SFMBT1: variants seen among roughly 807,000 people sequenced by gnomAD.
The protein encoded by SFMBT1 is scm-like with four MBT domains protein 1.
In SFMBT1, 32 loss-of-function variants were observed where a neutral mutation model predicts 108.7. The observed-to-expected ratio is 0.29, with a 90% CI of 0.22 to 0.40. The LOEUF is 0.40. SFMBT1 is among the 10% of genes least tolerant of loss of function. SFMBT1 has a pLI of 1.00. For synonymous variants in SFMBT1, 348 were observed against 369.5 expected, an observed-to-expected ratio of 0.94 and a Z score of 0.67; for missense variants, 816 against 1,059.6, an observed-to-expected ratio of 0.77 and a Z score of 3.19.
chr3:52,946,061 T>C (rs1282183260), intron 3 of SFMBT1, among the ~76,000 whole-genome samples: 2 of 152,180 alleles, frequency 1.3e-5, no homozygotes, highest in Non-Finnish European at 2.9e-5. Context: ...TGCAATATCA[T>C]TCCTACAACA....
intron 2 of SFMBT1, among the ~76,000 whole-genome samples, chr3:52,958,020 G>A (rs1575401938): frequency 1.3e-5 from 2 of 152,238 alleles, no homozygotes; most frequent in South Asian, 4.1e-4. Context: ...AGAGCGAACA[G>A]ACAACCTAAA....
chr3:53,037,254 A>G (rs1236456388), intron 1 of SFMBT1, among the ~76,000 whole-genome samples: 1 of 152,046 alleles, frequency 6.6e-6, no homozygotes, highest in African/African-American at 2.4e-5. Context: ...GCCAGAAGAG[A>G]CCACCCAGCC....
intron 17 of SFMBT1, among the ~76,000 whole-genome samples, chr3:52,909,432 G>C (rs1238636171): frequency 6.6e-6 from 1 of 152,010 alleles, no homozygotes; most frequent in African/African-American, 2.4e-5. Context: ...ATAGAAACTA[G>C]AAGGTTAGAC....
intron 1 of SFMBT1, among the ~76,000 whole-genome samples, chr3:52,981,590 A>G (rs185844312): frequency 1.3e-4 from 19 of 148,132 alleles, no homozygotes; most frequent in East Asian, 3.9e-4. Context: ...CATTGAGCAG[A>G]CTAGTCTGAA....
At chr3:52,920,109 G>C (rs1211355319) in intron 12 of SFMBT1, among the ~76,000 whole-genome samples, 1 of 152,230 alleles carries the variant, frequency 6.6e-6, no homozygotes, top group Non-Finnish European at 1.5e-5. Flanking sequence ...CCAACGCCTG[G>C]ATCTTGGGCT....
At chr3:53,018,384 A>C (rs1699195512) in intron 1 of SFMBT1, among the ~76,000 whole-genome samples, 1 of 152,134 alleles carries the variant, frequency 6.6e-6, no homozygotes, top group Non-Finnish European at 1.5e-5. Flanking sequence ...CCTTCAGAGA[A>C]AGGAAAATCC....
chr3:53,045,752 G>GCGCCGC, intron 1 of SFMBT1, 64 bp downstream of exon 1: 1 of 148,752 alleles, frequency 6.7e-6, no homozygotes, highest in South Asian at 2.0e-4. Context: ...CCCCGCCCCG[G>GCGCCGC]CGCCGCCGCC....
chr3:52,927,396 G>T (rs554666076), intron 9 of SFMBT1, among the ~76,000 whole-genome samples: 1 of 152,286 alleles, frequency 6.6e-6, no homozygotes, highest in African/African-American at 2.4e-5. Context: ...TATGACCCTT[G>T]TTAACAAGAA....
chr3:52,929,493 C>G (rs1020305667), intron 8 of SFMBT1, among the ~76,000 whole-genome samples: 1 of 152,178 alleles, frequency 6.6e-6, no homozygotes. Flanking sequence ...CCTGCCCCGG[C>G]GTCCCAAAGT....
At chr3:52,920,061 T>C (rs748789282) in intron 12 of SFMBT1, among the ~76,000 whole-genome samples, 37 of 152,238 alleles carry the variant, frequency 2.4e-4, no homozygotes, top group Non-Finnish European at 4.4e-4. Flanking sequence ...GTGCCAACTA[T>C]GGACCAGGAA....
intron 1 of SFMBT1, among the ~76,000 whole-genome samples, chr3:53,024,411 T>C (rs972513817): frequency 2.0e-5 from 3 of 152,182 alleles, no homozygotes; most frequent in African/African-American, 7.2e-5. Context: ...CTTGGCATGT[T>C]CCTATGTGGA....
In SFMBT1 at chr3:52,911,213, G is replaced by C. The variant is rs549944923; in HGVS notation, c.1731-35C>G. ...GAAGACATCAGATGCCAAATATATT[G>C]GGCTAATGATTACCCAGAGAAAAAT... On this transcript the variant is annotated intron_variant, in intron 16 of 20. Coordinates refer to ENST00000394752, the MANE Select transcript of SFMBT1 (RefSeq NM_016329.4). The C allele has an allele frequency of 1.4e-4, 214 of 1,541,850 alleles. 4 individuals carry two copies. In the South Asian group the frequency reaches 2.6e-3, roughly 19 times the overall value.
chr3:52,961,563 T>A (rs905387395), intron 2 of SFMBT1, among the ~76,000 whole-genome samples: 4 of 152,114 alleles, frequency 2.6e-5, no homozygotes, highest in African/African-American at 4.8e-5. Flanking sequence ...CCCCACCGCT[T>A]TAAAAAAGGT....
intron 1 of SFMBT1, among the ~76,000 whole-genome samples, chr3:52,996,419 A>G (rs1698334256): frequency 6.7e-6 from 1 of 148,872 alleles, no homozygotes; most frequent in African/African-American, 2.4e-5. Flanking sequence ...TTCACCTATT[A>G]CCCAGGCTGG....
chr3:53,022,439 G>C (rs1407445312), intron 1 of SFMBT1, among the ~76,000 whole-genome samples: 1 of 144,710 alleles, frequency 6.9e-6, no homozygotes, highest in Non-Finnish European at 1.5e-5. Flanking sequence ...GACAGGGTGA[G>C]GTGCTGTCTC....
At chr3:52,923,334 G>A (rs192650423) in intron 10 of SFMBT1, among the ~76,000 whole-genome samples, 1 of 152,268 alleles carries the variant, frequency 6.6e-6, no homozygotes, top group East Asian at 1.9e-4. Flanking sequence ...GGGAGGCTGA[G>A]GCGGGTGGAT....
Position 52,998,201 on chromosome 3 carries a change from G to A in SFMBT1, c.-130-28943C>T, listed in dbSNP as rs1296785546. On this transcript the variant is annotated intron_variant, in intron 1 of 20. Transcript: ENST00000394752. Reference sequence around the variant, plus strand: ...GAGGCCAAGACGGGCAGATCACGAGGCCAACACGGAGAAACCCCGTCTCTA... The same window carrying A: ...GAGGCCAAGACGGGCAGATCACGAGACCAACACGGAGAAACCCCGTCTCTA... 2.7e-5 allele frequency among the ~76,000 whole-genome samples: 4 copies of A among 150,096 alleles called. No individual in the cohort carries two copies. In the East Asian group the frequency reaches 7.8e-4, roughly 29 times the overall value.
chr3:52,941,886 G>A (rs1272662644), intron 4 of SFMBT1, among the ~76,000 whole-genome samples: 2 of 152,048 alleles, frequency 1.3e-5, no homozygotes, highest in African/African-American at 4.8e-5. Flanking sequence ...CTGACAGAGC[G>A]AGATTCTGTC....
Position 52,930,991 on chromosome 3 carries a change from C to T in SFMBT1, c.745G>A (p.Ala249Thr), listed in dbSNP as rs779006602. ...KNEAEWQEILAKVKEEEEEPL... is the reference protein window; with the variant it reads ...KNEAEWQEILTKVKEEEEEPL... ...TCTTCCTCTTCCTCTTTCACTTTGGCCAAAATCTCTTGCCACTCAGCTTCA... is the reference window on the plus strand; with the variant it reads ...TCTTCCTCTTCCTCTTTCACTTTGGTCAAAATCTCTTGCCACTCAGCTTCA... The change falls in exon 7 of 21, where the codon GCC becomes ACC. Residue 249 changes from alanine (A) to threonine (T), a missense_variant. Around this residue, in one of 5 missense-constraint regions of SFMBT1, gnomAD observed 495 missense variants for 607.4 expected, o/e 0.81. Transcript: ENST00000394752. 2.9e-5 allele frequency: 47 copies of T among 1,613,912 alleles called. No individual in the cohort carries two copies. The highest frequency in any genetic ancestry group is 6.6e-5 in the South Asian group (6 of 91,080).
Sources: allele counts gnomAD v4.1 joint callset (sites outside exome capture counted in the v4.1 genomes callset), GRCh38; gene constraint gnomAD v4.1.1; regional missense constraint gnomAD v4.1.1; transcripts MANE v1.5; gene names NCBI Gene and HGNC (gene_info 2026-07-23, HGNC 2026-07-21).